Variants in MACROD2 observed in about 807,000 individuals in gnomAD.
The protein encoded by MACROD2 is ADP-ribose glycohydrolase MACROD2.
MACROD2 carries 36 observed loss-of-function variants against 70.4 expected under a neutral mutation model. The ratio of observed to expected loss-of-function variants is 0.51; its 90% confidence interval spans 0.39 to 0.68. The LOEUF (loss-of-function observed/expected upper bound fraction) is 0.68. Ranked by LOEUF, MACROD2 falls within the 30% of genes least tolerant of loss-of-function variation. MACROD2 has a pLI of 0.00. For synonymous variants in MACROD2, 172 were observed against 178.8 expected (o/e 0.96, Z 0.30); for missense variants, 496 against 538.4 (o/e 0.92, Z 0.78).
intron 3 of MACROD2, among the ~76,000 whole-genome samples, chr20:14,166,053 A>G (rs1173291724): frequency 1.3e-5 from 2 of 152,060 alleles, no homozygotes; most frequent in East Asian, 1.9e-4. Flanking sequence ...ATCTTTTTTC[A>G]TTTTTGCTTA....
chr20:14,628,949 T>A, intron 4 of MACROD2: 1 of 152,238 alleles, frequency 6.6e-6, no homozygotes, highest in East Asian at 1.9e-4. Flanking sequence ...ACTTTGGTGA[T>A]GTTTTCTATG....
At chr20:14,301,066 A>G (rs988693856) in intron 3 of MACROD2, among the ~76,000 whole-genome samples, 1 of 152,190 alleles carries the variant, frequency 6.6e-6, no homozygotes, top group African/African-American at 2.4e-5. Flanking sequence ...CCTATCAGGT[A>G]TGTATTCTTA....
At chr20:15,682,347 C>T (rs993107028) in intron 8 of MACROD2, among the ~76,000 whole-genome samples, 2 of 152,106 alleles carry the variant, frequency 1.3e-5, no homozygotes, top group Non-Finnish European at 2.9e-5. Flanking sequence ...CACTTAAATG[C>T]TTAGTTTGGT....
intron 3 of MACROD2, among the ~76,000 whole-genome samples, chr20:14,451,437 A>G (rs1171756783): frequency 1.3e-5 from 2 of 152,006 alleles, no homozygotes; most frequent in Non-Finnish European, 2.9e-5. Context: ...ACAGAGAGAA[A>G]CTGTGTCTCG....
chr20:15,548,987 C>T (rs1275559241), intron 8 of MACROD2, among the ~76,000 whole-genome samples: 6 of 152,192 alleles, frequency 3.9e-5, no homozygotes, highest in Admixed American at 6.5e-5. Flanking sequence ...ATTTCAGCTC[C>T]AGCTGACTTC....
chr20:15,202,956 C>A (rs977077974), intron 5 of MACROD2, among the ~76,000 whole-genome samples: 1 of 152,078 alleles, frequency 6.6e-6, no homozygotes, highest in African/African-American at 2.4e-5. Context: ...ACATTTTATT[C>A]CTGGCAACAG....
intron 15 of MACROD2, among the ~76,000 whole-genome samples, chr20:16,024,413 A>C (rs1003764953): frequency 6.6e-6 from 1 of 152,154 alleles, no homozygotes; most frequent in African/African-American, 2.4e-5. Context: ...AGTAGTAACA[A>C]ATAGCTATAA....
chr20:15,628,178 C>CA (rs2049234726), intron 8 of MACROD2, among the ~76,000 whole-genome samples: 1 of 152,156 alleles, frequency 6.6e-6, no homozygotes, highest in African/African-American at 2.4e-5. Flanking sequence ...TGTGTACTTT[C>CA]AAAACACTAA....
intron 5 of MACROD2, among the ~76,000 whole-genome samples, chr20:14,976,832 G>T (rs2074744095): frequency 6.6e-6 from 1 of 152,124 alleles, no homozygotes; most frequent in African/African-American, 2.4e-5. Context: ...TGTGTTATTT[G>T]GGGGATTAAG....
At chr20:14,451,668 A>G (rs1025785128) in intron 3 of MACROD2, among the ~76,000 whole-genome samples, 2 of 152,156 alleles carry the variant, frequency 1.3e-5, no homozygotes, top group Non-Finnish European at 2.9e-5. Flanking sequence ...CTGAGGCATA[A>G]GAAACAAGGC....
intron 5 of MACROD2, among the ~76,000 whole-genome samples, chr20:14,880,220 T>G (rs2073595512): frequency 6.6e-6 from 1 of 152,142 alleles, no homozygotes; most frequent in Admixed American, 6.5e-5. Flanking sequence ...TCCACAGTTT[T>G]GGGGAGAGGG....
At chr20:14,820,947 C>G (rs982527273) in intron 5 of MACROD2, among the ~76,000 whole-genome samples, 1 of 152,112 alleles carries the variant, frequency 6.6e-6, no homozygotes, top group East Asian at 1.9e-4. Context: ...CCTCCGGAAC[C>G]GTAAACTCTC....
chr20:14,083,841 G>C (rs1028491772), intron 2 of MACROD2, among the ~76,000 whole-genome samples: 1 of 151,824 alleles, frequency 6.6e-6, no homozygotes, highest in Non-Finnish European at 1.5e-5. Flanking sequence ...AGCACTTTGG[G>C]AGGCCGAGGC....
intron 4 of MACROD2, among the ~76,000 whole-genome samples, chr20:14,536,762 A>C (rs2085371389): frequency 1.3e-5 from 2 of 152,120 alleles, no homozygotes; most frequent in South Asian, 4.1e-4. Context: ...GTTGGAGAAC[A>C]GATCTATTTG....
intron 6 of MACROD2, among the ~76,000 whole-genome samples, chr20:15,274,865 A>ATCCTGGAAGTTTGAGGAAAGGCT (rs2077376715): frequency 6.6e-6 from 1 of 152,230 alleles, no homozygotes; most frequent in Non-Finnish European, 1.5e-5. Context: ...CCTCTGACCT[A>ATCCTGGAAGTTTGAGGAAAGGCT]TCCTGGAAGT....
At chr20:14,574,087 A>C (rs1165789356) in intron 4 of MACROD2, among the ~76,000 whole-genome samples, 1 of 152,212 alleles carries the variant, frequency 6.6e-6, no homozygotes, top group Non-Finnish European at 1.5e-5. Context: ...AGAGATAATC[A>C]AGAACGACAC....
At chr20:14,720,536 C>T (rs1388304715) in intron 5 of MACROD2, among the ~76,000 whole-genome samples, 6 of 35,924 alleles carry the variant, frequency 1.7e-4, no homozygotes, top group Admixed American at 5.2e-4. Context: ...TGCCCCACAA[C>T]TTTTTTTTTT....
At chr20:14,380,489 C>A (rs2083410916) in intron 3 of MACROD2, among the ~76,000 whole-genome samples, 2 of 151,974 alleles carry the variant, frequency 1.3e-5, no homozygotes, top group South Asian at 4.1e-4. Context: ...ATTGCCAAAT[C>A]CAAGATCAAG....
chr20:15,553,487 A>C (rs79978430), intron 8 of MACROD2, among the ~76,000 whole-genome samples: 3,414 of 152,242 alleles, frequency 0.022, 116 homozygotes, highest in African/African-American at 0.077. Flanking sequence ...AGTGGTGGTG[A>C]TAGCTCACTG....
Sources: gnomAD v4.1 joint callset for allele counts (sites outside exome capture counted in the v4.1 genomes callset) on GRCh38, gnomAD v4.1.1 for gene constraint, MANE v1.5 for transcripts, NCBI Gene and HGNC (gene_info 2026-07-23, HGNC 2026-07-21) for gene names.